DOK6: variants seen among roughly 807,000 people sequenced by gnomAD.
DOK6 encodes the protein downstream of tyrosine kinase 6.
In DOK6, 22 loss-of-function variants were observed where a neutral mutation model predicts 44.0. That is an observed-to-expected ratio of 0.50 (90% CI 0.36 to 0.71). The LOEUF (loss-of-function observed/expected upper bound fraction) is 0.71. DOK6 is among the 30% of genes least tolerant of loss of function. DOK6 has a pLI of 0.00. For synonymous variants in DOK6, 166 were observed against 145.5 expected, an observed-to-expected ratio of 1.14 and a Z score of -1.01; for missense variants, 340 against 416.4, an observed-to-expected ratio of 0.82 and a Z score of 1.60.
At chr18:69,488,862 T>G (rs148562918) in intron 1 of DOK6, among the ~76,000 whole-genome samples, 289 of 152,308 alleles carry the variant, frequency 1.9e-3, no homozygotes, top group African/African-American at 6.4e-3. Context: ...TTTGTGTCAC[T>G]TCCTTTTATG....
intron 4 of DOK6, among the ~76,000 whole-genome samples, chr18:69,682,001 C>T (rs754478177): frequency 2.0e-5 from 3 of 152,170 alleles, no homozygotes; most frequent in Non-Finnish European, 4.4e-5. Context: ...TTCTCTGGGA[C>T]CCAGTGTCTC....
chr18:69,593,964 T>C (rs1983680757), intron 2 of DOK6, among the ~76,000 whole-genome samples: 2 of 152,190 alleles, frequency 1.3e-5, no homozygotes, highest in Non-Finnish European at 2.9e-5. Context: ...TTGAAAATGG[T>C]ATATCTTTTC....
chr18:69,711,207 G>C (rs976070336), intron 5 of DOK6, among the ~76,000 whole-genome samples: 1 of 152,202 alleles, frequency 6.6e-6, no homozygotes, highest in African/African-American at 2.4e-5. Flanking sequence ...TCCATGATAT[G>C]CTTTCCCTCA....
At position 69,842,777 on chromosome 18, in the gene DOK6, A is replaced by G. The variant is rs1333758628; in HGVS notation, c.*1394A>G. On this transcript the variant is annotated 3_prime_UTR_variant, in exon 8 of 8. Transcript: ENST00000382713. ...CCCTTAATTCTGGAGTTAAGTAAAA[A>G]TAAAAATTATCCTGCCTGAATCATC... 2 of 152,242 alleles carry G rather than the reference A, an allele frequency of 1.3e-5. No individual in the cohort carries two copies. Among genetic ancestry groups the G allele is most frequent in the Non-Finnish European group, 2.9e-5 (2 of 68,040 alleles). The allele number at this position is 152,242 out of a possible 1,614,324, so 9.4% of individuals were successfully genotyped here. A position where few individuals can be genotyped will look rare whatever the true frequency, so the allele number is the denominator to read the frequency against.
chr18:69,710,926 C>A lies in DOK6; in HGVS notation c.599+12333C>A, dbSNP rs935346865. 2.6e-5 allele frequency among the ~76,000 whole-genome samples: 4 copies of A among 152,198 alleles called. No homozygotes were observed. The East Asian group carries it at 7.7e-4, about 29-fold the overall frequency. ...CAAGGCTGTGTCTTAATAGAAGATA[C>A]AGAGACACTAGAGGTGATGGGAGCA... On this transcript the variant is annotated intron_variant, in intron 5 of 7. Transcript: ENST00000382713.
At chr18:69,759,490 G>C (rs772768218) in intron 7 of DOK6, among the ~76,000 whole-genome samples, 3 of 152,104 alleles carry the variant, frequency 2.0e-5, no homozygotes, top group Non-Finnish European at 4.4e-5. Context: ...GAATAGGTCA[G>C]AAGTAGTATA....
At chr18:69,434,983 A>AAGGAAT (rs1978918850) in intron 1 of DOK6, among the ~76,000 whole-genome samples, 1 of 84,752 alleles carries the variant, frequency 1.2e-5, no homozygotes, top group Non-Finnish European at 2.7e-5. Flanking sequence ...AAGGAAGGAA[A>AAGGAAT]GAAGGAAGGA....
chr18:69,820,323 C>T (rs1302242145), intron 7 of DOK6, among the ~76,000 whole-genome samples: 3 of 152,132 alleles, frequency 2.0e-5, no homozygotes, highest in Admixed American at 2.0e-4. Flanking sequence ...GATTTTTATA[C>T]ATGCAAACTT....
intron 1 of DOK6, among the ~76,000 whole-genome samples, chr18:69,531,423 C>T (rs1373049530): frequency 2.0e-5 from 3 of 151,608 alleles, no homozygotes; most frequent in Non-Finnish European, 4.4e-5. Context: ...ATAATTATAA[C>T]TGTCTAGTCT....
At chr18:69,498,808 A>G (rs995245052) in intron 1 of DOK6, among the ~76,000 whole-genome samples, 2 of 152,228 alleles carry the variant, frequency 1.3e-5, no homozygotes, top group East Asian at 1.9e-4. Flanking sequence ...TCCAGTGGGA[A>G]ACATAGTGCC....
At chr18:69,476,258 A>G (rs1980258552) in intron 1 of DOK6, among the ~76,000 whole-genome samples, 1 of 152,228 alleles carries the variant, frequency 6.6e-6, no homozygotes, top group African/African-American at 2.4e-5. Flanking sequence ...TCCCTAGGAT[A>G]TAAGAATAGG....
chr18:69,834,773 A>T (rs1238448466), intron 7 of DOK6, among the ~76,000 whole-genome samples: 1 of 152,180 alleles, frequency 6.6e-6, no homozygotes, highest in African/African-American at 2.4e-5. Context: ...ACATTTACTT[A>T]ACTGCCCAAT....
chr18:69,711,296 G>A (rs1986751239), intron 5 of DOK6, among the ~76,000 whole-genome samples: 1 of 152,080 alleles, frequency 6.6e-6, no homozygotes. Context: ...ATTACCTTTG[G>A]AAATACAATC....
At chr18:69,567,381 C>T (rs972029197) in intron 2 of DOK6, among the ~76,000 whole-genome samples, 1 of 151,686 alleles carries the variant, frequency 6.6e-6, no homozygotes, top group Non-Finnish European at 1.5e-5. Context: ...TAGGCTAAGA[C>T]TCAACTGAAA....
At chr18:69,428,198 A>G (rs1175447564) in intron 1 of DOK6, among the ~76,000 whole-genome samples, 1 of 152,032 alleles carries the variant, frequency 6.6e-6, no homozygotes, top group East Asian at 1.9e-4. Context: ...GTTTTTATAT[A>G]TAGAGAAAAT....
chr18:69,431,230 G>C (rs1350483190), intron 1 of DOK6, among the ~76,000 whole-genome samples: 1 of 152,104 alleles, frequency 6.6e-6, no homozygotes, highest in Non-Finnish European at 1.5e-5. Flanking sequence ...CTATTTAAAG[G>C]GATTAACATC....
chr18:69,523,995 A>T (rs576245435), intron 1 of DOK6, among the ~76,000 whole-genome samples: 1 of 152,186 alleles, frequency 6.6e-6, no homozygotes, highest in African/African-American at 2.4e-5. Context: ...TTCAACTTCC[A>T]TCTGAGATTT....
intron 1 of DOK6, among the ~76,000 whole-genome samples, chr18:69,430,383 T>C (rs957152638): frequency 6.6e-6 from 1 of 152,210 alleles, no homozygotes; most frequent in African/African-American, 2.4e-5. Context: ...TTTATTATTT[T>C]TTGAGAGCAA....
At chr18:69,730,893 G>T (rs1160998000) in intron 5 of DOK6, among the ~76,000 whole-genome samples, 1 of 152,070 alleles carries the variant, frequency 6.6e-6, no homozygotes, top group East Asian at 1.9e-4. Context: ...CTGAGCCCAG[G>T]AGTTTGAGGC....
Sources: allele counts gnomAD v4.1 joint callset (sites outside exome capture counted in the v4.1 genomes callset), GRCh38; gene constraint gnomAD v4.1.1; transcripts MANE v1.5; gene names NCBI Gene and HGNC (gene_info 2026-07-23, HGNC 2026-07-21).